Variants in FLRT3 observed in about 807,000 individuals in gnomAD.
The protein encoded by FLRT3 is fibronectin leucine rich transmembrane protein 3.
Under a neutral mutation model 42.6 loss-of-function variants are expected in FLRT3, and 17 were observed. That is an observed-to-expected ratio of 0.40 (90% CI 0.27 to 0.60). FLRT3 has a LOEUF of 0.60. Among genes scored for constraint, FLRT3 ranks in the 20% least tolerant of loss-of-function variants. The pLI is 0.44. For synonymous variants in FLRT3, 279 were observed against 286.4 expected (o/e 0.97, Z 0.26); for missense variants, 635 against 789.2 (o/e 0.80, Z 2.34).
chr20:14,326,169 G>C lies in FLRT3; in HGVS notation c.1338C>G (p.Ser446Arg). 6.2e-7 allele frequency: 1 copy of C among 1,613,850 alleles called. No individual in the cohort carries two copies. ...TTTCTGTTATAGATCCAAATGCCGGGCTATGGCCCAGTTTAAGCCAGCTGA... is the reference window on the plus strand; with the variant it reads ...TTTCTGTTATAGATCCAAATGCCGGCCTATGGCCCAGTTTAAGCCAGCTGA... ...LRLSWLKLGH[S>R]PAFGSITETI... Residue 446 changes from serine (S) to arginine (R), a missense_variant, in exon 3 of 3, where the codon AGC (serine) becomes AGG (arginine). Coordinates refer to ENST00000341420, the MANE Select transcript of FLRT3 (RefSeq NM_198391.3). The surrounding 1 kb of genome is among the most constrained non-coding windows in gnomAD (Gnocchi z 5.5).
rs1325319685 is a variant in FLRT3, at chr20:14,326,574, G to T, written c.933C>A (p.Cys311Ter). 6.2e-7 allele frequency: 1 copy of T among 1,613,850 alleles called. No homozygotes were observed. The highest frequency in any genetic ancestry group is 8.5e-7 in the Non-Finnish European group (1 of 1,179,854). Residue 311 changes from cysteine to a stop codon, truncating the protein, a stop_gained, in exon 3 of 3, where the codon TGC becomes TGA. Coordinates refer to ENST00000341420, the MANE Select transcript of FLRT3 (RefSeq NM_198391.3). LOFTEE classifies it high-confidence loss of function. This position sits in a 1 kb window ranked among gnomAD's most constrained non-coding sequence, Gnocchi z 5.5. ...ACCAGTCACGTACCCATTTCATCTT[G>T]CACCCGCAATACCAGGGATTGTTGC... ...ILRNNPWYCG[C>*]KMKWVRDWLQ... is the part of the protein sequence containing the mutation.
Position 14,326,209 on chromosome 20 carries a change from A to C in FLRT3, c.1298T>G (p.Met433Arg). 1 of 1,613,964 alleles carries C rather than the reference A, an allele frequency of 6.2e-7. No homozygotes were observed. The highest frequency in any genetic ancestry group is 8.5e-7 in the Non-Finnish European group (1 of 1,179,894). Residue 433 changes from methionine to arginine, a missense_variant, in exon 3 of 3, where the codon ATG becomes AGG. By Grantham distance (91) the Met-to-Arg change is moderately conservative (BLOSUM62 -1). Transcript: ENST00000341420. This position sits in a 1 kb window ranked among gnomAD's most constrained non-coding sequence, Gnocchi z 5.5. ...IHISWKLALPMTALRLSWLKL... is the reference protein window; with the variant it reads ...IHISWKLALPRTALRLSWLKL... ...AAGCCAGCTGAGTCTCAAAGCAGTC[A>C]TAGGTAGAGCAAGTTTCCAAGAGAT...
intron 1 of FLRT3, among the ~76,000 whole-genome samples, chr20:14,332,518 T>C (rs1316658592): frequency 6.6e-6 from 1 of 152,170 alleles, no homozygotes; most frequent in African/African-American, 2.4e-5. Context: ...TCTTATTTAA[T>C]GCCTTAGATT....
chr20:14,330,451 A>C (rs1354707439), intron 1 of FLRT3, among the ~76,000 whole-genome samples: 1 of 152,038 alleles, frequency 6.6e-6, no homozygotes, highest in Non-Finnish European at 1.5e-5. Flanking sequence ...CTAACATCCA[A>C]CAAGTATAGC....
At chr20:14,335,801 T>C (rs942464342) in intron 1 of FLRT3, among the ~76,000 whole-genome samples, 1 of 152,198 alleles carries the variant, frequency 6.6e-6, no homozygotes, top group Non-Finnish European at 1.5e-5. Flanking sequence ...TTAGTTTTCT[T>C]AGTAAATCTA....
intron 1 of FLRT3, among the ~76,000 whole-genome samples, chr20:14,331,733 G>C (rs145602511): frequency 1.9e-4 from 29 of 152,002 alleles, no homozygotes; most frequent in African/African-American, 4.8e-4. Context: ...CATATTAAAG[G>C]CTGCAAGGAT....
chr20:14,327,674 T>G (rs2082760041), intron 2 of FLRT3, 116 bp from the exon 3 acceptor site: 1 of 794,196 alleles, frequency 1.3e-6, no homozygotes, highest in African/African-American at 1.7e-5. Context: ...TATTTTCATT[T>G]GTTTTGGGAG....
In FLRT3 at chr20:14,327,064, C is replaced by G; in HGVS notation, c.443G>C (p.Gly148Ala). The change falls in exon 3 of 3, where the codon GGA (glycine) becomes GCA (alanine). Residue 148 changes from glycine to alanine, a missense_variant. Gly to Ala is a moderately conservative substitution (Grantham distance 60, BLOSUM62 0). Transcript: ENST00000341420. ...GAGATAGTTGCTGTCTCGGAATGCTCCCTCTTCTATGCTAACTGCAGAGAC... is the reference window on the plus strand; with the variant it reads ...GAGATAGTTGCTGTCTCGGAATGCTGCCTCTTCTATGCTAACTGCAGAGAC... ...NSVSAVSIEEGAFRDSNYLRL... is the reference protein window; with the variant it reads ...NSVSAVSIEEAAFRDSNYLRL... The G allele has an allele frequency of 8.1e-6, 13 of 1,613,690 alleles. No individual in the cohort carries two copies. Among genetic ancestry groups the G allele is most frequent in the Non-Finnish European group, 9.3e-6 (11 of 1,179,776 alleles).
rs757123659 is a variant in FLRT3 at position 14,325,869 on chromosome 20, A to G, written c.1638T>C (p.Ala546=). The change falls in exon 3 of 3, where the codon GCT becomes GCC. Residue 546 remains alanine, a synonymous_variant. Coordinates refer to ENST00000341420, the MANE Select transcript of FLRT3 (RefSeq NM_198391.3). Reference sequence around the variant, plus strand: ...TCCTATGAACATACCAACACACTAAAGCAAGAAGGGCAATGGTAACCAGGG... The same window carrying G: ...TCCTATGAACATACCAACACACTAAGGCAAGAAGGGCAATGGTAACCAGGG... ...AVALVTIALL[A]LVCWYVHRNG... is the part of the protein sequence containing the mutation. The G allele has an allele frequency of 2.5e-6, 4 of 1,613,976 alleles. No homozygotes were observed. The highest frequency in any genetic ancestry group is 1.7e-6 in the Non-Finnish European group (2 of 1,179,886).
rs534376771 is a variant in FLRT3, at chr20:14,332,016, C to G, written c.-246-2689G>C. On this transcript the variant is annotated intron_variant, in intron 1 of 2. Transcript: ENST00000341420. ...TTAATGGGGTAACTTGGGAGGAAAACATAAATGAAGCCCTGGTAACTTAAT... is the reference window on the plus strand; with the variant it reads ...TTAATGGGGTAACTTGGGAGGAAAAGATAAATGAAGCCCTGGTAACTTAAT... Among the ~76,000 whole-genome samples, 487 of 152,122 alleles carry G rather than the reference C, an allele frequency of 3.2e-3. 1 individual carries two copies. The highest frequency in any genetic ancestry group is 6.4e-3 in the South Asian group (31 of 4,828).
rs765357979 is a variant in FLRT3 at position 14,326,757 on chromosome 20, C to T, written c.750G>A (p.Arg250=). ...APVNLPGTNL[R]KLYLQDNHIN... is the part of the protein sequence containing the mutation. ...TGTGGTTATCTTGAAGATAAAGCTT[C>T]CTCAGGTTTGTGCCTGGAAGGTTTA... Residue 250 remains arginine (R), a synonymous_variant, in exon 3 of 3, where the codon AGG becomes AGA. Coordinates refer to ENST00000341420, the MANE Select transcript of FLRT3 (RefSeq NM_198391.3). This position sits in a 1 kb window ranked among gnomAD's most constrained non-coding sequence, Gnocchi z 5.5. 6 of 1,613,780 alleles carry T rather than the reference C, an allele frequency of 3.7e-6. No homozygotes were observed. Among genetic ancestry groups the T allele is most frequent in the South Asian group, 2.2e-5 (2 of 91,084 alleles).
rs535392006 is a variant in FLRT3 at position 14,326,023 on chromosome 20, A to G, written c.1484T>C (p.Val495Ala). ...GGGTGCAGTTTCAGTCTCAATACAA[A>G]CAGGAGTTTCATCAAATAGGTAGAG... ...SNLYLFDETP[V>A]CIETETAPLR... The change falls in exon 3 of 3, where the codon GTT becomes GCT. Residue 495 changes from valine to alanine, a missense_variant. Coordinates refer to ENST00000341420, the MANE Select transcript of FLRT3 (RefSeq NM_198391.3). The surrounding 1 kb of genome is among the most constrained non-coding windows in gnomAD (Gnocchi z 5.5). The G allele has an allele frequency of 5.6e-6, 9 of 1,613,874 alleles. No homozygotes were observed. In the East Asian group the frequency reaches 1.8e-4, roughly 32 times the overall value.
intron 1 of FLRT3, among the ~76,000 whole-genome samples, chr20:14,331,057 G>A (rs1018185787): frequency 6.6e-6 from 1 of 152,040 alleles, no homozygotes; most frequent in Non-Finnish European, 1.5e-5. Context: ...GTTACCAAGA[G>A]TCAAGCATTT....
rs1427970026 is a variant in FLRT3 at position 14,326,824 on chromosome 20, G to A, written c.683C>T (p.Thr228Ile). The A allele has an allele frequency of 6.2e-7, 1 of 1,613,716 alleles. No homozygotes were observed. Among genetic ancestry groups the A allele is most frequent in the Admixed American group, 1.7e-5 (1 of 59,954 alleles). The change falls in exon 3 of 3, where the codon ACA becomes ATA. Residue 228 changes from threonine (T) to isoleucine (I), a missense_variant. Physicochemically the swap from Thr to Ile is moderately conservative, Grantham distance 89. Coordinates refer to ENST00000341420, the MANE Select transcript of FLRT3 (RefSeq NM_198391.3). This position sits in a 1 kb window ranked among gnomAD's most constrained non-coding sequence, Gnocchi z 5.5. ...GGAATTCCGCACCAGGGACAGCTCTGTCAAATTAACTAGGTTGAAGAAAAC... is the reference window on the plus strand; with the variant it reads ...GGAATTCCGCACCAGGGACAGCTCTATCAAATTAACTAGGTTGAAGAAAAC... ...DKVFFNLVNLTELSLVRNSLT... is the reference protein window; with the variant it reads ...DKVFFNLVNLIELSLVRNSLT...
rs1433706346 is a variant in FLRT3 at position 14,324,939 on chromosome 20, G to T, written c.*618C>A. The T allele has an allele frequency of 6.6e-6, 1 of 152,500 alleles. No homozygotes were observed. Among genetic ancestry groups the T allele is most frequent in the Non-Finnish European group, 1.5e-5 (1 of 68,014 alleles). The allele number at this position is 152,500 out of a possible 1,614,324, so 9.4% of individuals were successfully genotyped here. A position where few individuals can be genotyped will look rare whatever the true frequency, so the allele number is the denominator to read the frequency against. On this transcript the variant is annotated 3_prime_UTR_variant, in exon 3 of 3. Transcript: ENST00000341420. ...AGAAGATATGCTTAACTTTTTTAAG[G>T]ATAATTAATTTGCCTAGAGCAAAAA...
At chr20:14,331,553 A>T (rs2082840343) in intron 1 of FLRT3, among the ~76,000 whole-genome samples, 1 of 152,144 alleles carries the variant, frequency 6.6e-6, no homozygotes. Context: ...CAGGTTTCTT[A>T]GGAGAGAAGG....
At chr20:14,329,059 C>T (rs757708493) in intron 2 of FLRT3, 75 bp downstream of exon 2, 4 of 151,908 alleles carry the variant, frequency 2.6e-5, no homozygotes, top group Non-Finnish European at 5.9e-5. Context: ...AGGCAGTTAC[C>T]CCCTACCTTT....
At chr20:14,328,018 TA>T (rs563996030) in intron 2 of FLRT3, among the ~76,000 whole-genome samples, 103 of 152,204 alleles carry the variant, frequency 6.8e-4, no homozygotes, top group African/African-American at 2.3e-3. Flanking sequence ...ATTTACTTTT[TA>T]TTAGGCAAAA....
At position 14,323,288 on chromosome 20, in the gene FLRT3, C is replaced by T. The variant is rs1366883912; in HGVS notation, c.*2269G>A. On this transcript the variant is annotated 3_prime_UTR_variant, in exon 3 of 3. Coordinates refer to ENST00000341420, the MANE Select transcript of FLRT3 (RefSeq NM_198391.3). ...GTTCTATTAATTTGCTACAACAGCTCACAAAATGCAAGGAAACAGATTTAC... is the reference window on the plus strand; with the variant it reads ...GTTCTATTAATTTGCTACAACAGCTTACAAAATGCAAGGAAACAGATTTAC... The T allele has an allele frequency of 2.6e-5, 4 of 152,074 alleles. No homozygotes were observed. The highest frequency in any genetic ancestry group is 9.7e-5 in the African/African-American group (4 of 41,404). 9.4% of individuals were successfully genotyped at this position (152,074 alleles called of 1,614,324 possible). A position where few individuals can be genotyped will look rare whatever the true frequency, so the allele number is the denominator to read the frequency against.
Sources: allele counts gnomAD v4.1 joint callset (sites outside exome capture counted in the v4.1 genomes callset), GRCh38; gene constraint gnomAD v4.1.1; non-coding constraint Gnocchi (gnomAD v3.1); transcripts MANE v1.5; gene names NCBI Gene and HGNC (gene_info 2026-07-23, HGNC 2026-07-21).